The following MCUB variants were observed in gnomAD, a reference collection of about 807,000 sequenced individuals.
MCUB encodes mitochondrial calcium uniporter dominant negative subunit beta.
A neutral mutation model predicts 41.4 loss-of-function variants in MCUB; 46 were observed. That is an observed-to-expected ratio of 1.11 (90% CI 0.88 to 1.42). The LOEUF (loss-of-function observed/expected upper bound fraction) is 1.42, where lower values mean the gene tolerates loss of function less well. MCUB is among the 40% of genes most tolerant of loss of function. The probability of loss-of-function intolerance (pLI) is 0.00; values close to 1 mark genes in which losing one functional copy is unlikely to be tolerated. For missense variants in MCUB, 403 were observed against 404.9 expected, an observed-to-expected ratio of 1.00 and a Z score of 0.04; for synonymous variants, 148 against 148.2, an observed-to-expected ratio of 1.00 and a Z score of 0.01.
At position 109,660,307 on chromosome 4, in the gene MCUB, C is replaced by A; in HGVS notation, c.288C>A (p.Phe96Leu). ...CAATGTTGTCAACAGTTGGTTCATTCCTTCAGGACCTACAAAATGAAGATA... is the reference window on the plus strand; with the variant it reads ...CAATGTTGTCAACAGTTGGTTCATTACTTCAGGACCTACAAAATGAAGATA... The part of the protein sequence containing the change: ...VKPMLSTVGS[F>L]LQDLQNEDKG... Residue 96 changes from phenylalanine to leucine, a missense_variant, in exon 3 of 8, where the codon TTC (phenylalanine) becomes TTA (leucine). Coordinates refer to ENST00000394650, the MANE Select transcript of MCUB (RefSeq NM_017918.5). 6.2e-7 allele frequency: 1 copy of A among 1,606,984 alleles called. No individual in the cohort carries two copies. The highest frequency in any genetic ancestry group is 1.1e-5 in the South Asian group (1 of 90,852).
intron 1 of MCUB, among the ~76,000 whole-genome samples, chr4:109,586,673 C>G (rs376028665): frequency 1.3e-5 from 2 of 152,242 alleles, no homozygotes; most frequent in Admixed American, 6.5e-5. Context: ...TGATGCTATT[C>G]CTTTCTGTTT....
intron 5 of MCUB, 140 bp from the exon 6 acceptor site, chr4:109,684,303 C>T: frequency 1.7e-6 from 1 of 577,580 alleles, no homozygotes; most frequent in Non-Finnish European, 3.0e-6. Context: ...ACCTCGTGAT[C>T]CGCCCACCTC....
At chr4:109,612,268 T>C (rs79762382) in intron 1 of MCUB, among the ~76,000 whole-genome samples, 6 of 145,324 alleles carry the variant, frequency 4.1e-5, no homozygotes, top group Middle Eastern at 3.5e-3. Context: ...CTTTTCTTTT[T>C]TTTTTTTTTT....
At chr4:109,607,390 G>A (rs1727903641) in intron 1 of MCUB, among the ~76,000 whole-genome samples, 1 of 151,970 alleles carries the variant, frequency 6.6e-6, no homozygotes, top group Admixed American at 6.6e-5. Context: ...GCTAATTTTT[G>A]TATTTTAAGT....
intron 4 of MCUB, among the ~76,000 whole-genome samples, chr4:109,679,756 A>C (rs1323126695): frequency 6.6e-6 from 1 of 152,146 alleles, no homozygotes; most frequent in Non-Finnish European, 1.5e-5. Flanking sequence ...GCTTGCAATT[A>C]TGAACTTTCT....
At position 109,660,310 on chromosome 4, in the gene MCUB, T is replaced by C. The variant is rs1228036143; in HGVS notation, c.291T>C (p.Leu97=). The C allele has an allele frequency of 6.2e-7, 1 of 1,608,506 alleles. No homozygotes were observed. The highest frequency in any genetic ancestry group is 1.3e-5 in the African/African-American group (1 of 74,786). ...TGTTGTCAACAGTTGGTTCATTCCT[T>C]CAGGACCTACAAAATGAAGATAAGG... ...KPMLSTVGSF[L]QDLQNEDKGI... is the part of the protein sequence containing the mutation. The change falls in exon 3 of 8, where the codon CTT becomes CTC. Residue 97 remains leucine (L), a synonymous_variant. Transcript: ENST00000394650.
At chr4:109,677,316 G>T (rs551650845) in intron 4 of MCUB, among the ~76,000 whole-genome samples, 31 of 152,276 alleles carry the variant, frequency 2.0e-4, no homozygotes, top group African/African-American at 7.5e-4. Flanking sequence ...CACAGCTGGA[G>T]GATAATTTGC....
Position 109,614,716 on chromosome 4 carries a change from A to G in MCUB, c.100-44295A>G, listed in dbSNP as rs1332585570. Among the ~76,000 whole-genome samples the G allele has an allele frequency of 2.0e-5, 3 of 150,938 alleles. No homozygotes were observed. The East Asian group carries it at 5.8e-4, about 29-fold the overall frequency. On this transcript the variant is annotated intron_variant, in intron 1 of 7. Coordinates refer to ENST00000394650, the MANE Select transcript of MCUB (RefSeq NM_017918.5). The stretch of plus-strand genomic sequence containing the variant: ...TTGTTTTTGCATTTCCCCACTTTTC[A>G]TCCGTCATCCTTTCCTGATGTCCTG...
rs1375868889 is a variant in MCUB, at chr4:109,688,235, A to AAGAAAG, written c.*643_*644insAGAAAG. ...AACTTTCTTCAGCCTCTGGCAGATT[A>AAGAAAG]TTAACAAAACAGTATTATTCAGATT... On this transcript the variant is annotated 3_prime_UTR_variant, in exon 8 of 8. Transcript: ENST00000394650. 3.9e-5 allele frequency: 6 copies of AAGAAAG among 152,290 alleles called. No homozygotes were observed. Among genetic ancestry groups the AAGAAAG allele is most frequent in the African/African-American group, 1.2e-4 (5 of 41,472 alleles). 9.4% of individuals were successfully genotyped at this position (152,290 alleles called of 1,614,324 possible).
chr4:109,661,809 G>C (rs939811434), intron 3 of MCUB, among the ~76,000 whole-genome samples: 1 of 152,102 alleles, frequency 6.6e-6, no homozygotes, highest in Non-Finnish European at 1.5e-5. Flanking sequence ...GAGGTGGGTG[G>C]ATCACCTGAG....
intron 1 of MCUB, among the ~76,000 whole-genome samples, chr4:109,597,799 G>A (rs1386820308): frequency 1.3e-5 from 2 of 151,238 alleles, no homozygotes; most frequent in African/African-American, 4.9e-5. Flanking sequence ...CTTCTCAGAC[G>A]GGGCAGCTGC....
intron 1 of MCUB, among the ~76,000 whole-genome samples, chr4:109,590,764 G>T (rs1435741777): frequency 7.2e-5 from 11 of 152,084 alleles, no homozygotes; most frequent in Non-Finnish European, 1.6e-4. Flanking sequence ...CCCCATGCTT[G>T]TCTCCCCTTT....
At chr4:109,608,691 G>A (rs1727934790) in intron 1 of MCUB, among the ~76,000 whole-genome samples, 1 of 151,820 alleles carries the variant, frequency 6.6e-6, no homozygotes, top group Admixed American at 6.6e-5. Flanking sequence ...TTTAGAGACA[G>A]GGTTTTGCCA....
At chr4:109,589,536 G>A (rs1320409556) in intron 1 of MCUB, among the ~76,000 whole-genome samples, 6 of 152,082 alleles carry the variant, frequency 3.9e-5, no homozygotes, top group South Asian at 4.1e-4. Context: ...AATAACATTC[G>A]TTTTACTTGC....
intron 1 of MCUB, among the ~76,000 whole-genome samples, chr4:109,657,383 A>T (rs774158225): frequency 1.5e-4 from 23 of 151,966 alleles, no homozygotes; most frequent in Non-Finnish European, 3.2e-4. Context: ...AACATAATGG[A>T]CCTTCATTTG....
intron 1 of MCUB, among the ~76,000 whole-genome samples, chr4:109,599,327 G>A (rs1046803967): frequency 6.6e-6 from 1 of 151,794 alleles, no homozygotes; most frequent in Non-Finnish European, 1.5e-5. Flanking sequence ...CTTTGGCTGT[G>A]TGTCTTATGC....
At chr4:109,570,018 C>T (rs1726876880) in intron 1 of MCUB, among the ~76,000 whole-genome samples, 1 of 152,172 alleles carries the variant, frequency 6.6e-6, no homozygotes, top group South Asian at 2.1e-4. Context: ...AACATTTTGT[C>T]TCATGCTCTC....
In MCUB at chr4:109,598,086, A is replaced by G. The variant is rs1267471832; in HGVS notation, c.99+37650A>G. Among the ~76,000 whole-genome samples the G allele has an allele frequency of 5.8e-5, 8 of 137,062 alleles. No homozygotes were observed. The East Asian group carries it at 1.8e-3, about 31-fold the overall frequency. The allele number at this position is 137,062 out of a possible 152,430, so 89.9% of individuals were successfully genotyped here. The stretch of plus-strand genomic sequence containing the variant: ...ACTTCCTAGATGGGATGGCGGCCGG[A>G]CGGAGACGCTCCTCACTTCCCAGAC... On this transcript the variant is annotated intron_variant, in intron 1 of 7. Coordinates refer to ENST00000394650, the MANE Select transcript of MCUB (RefSeq NM_017918.5).
intron 1 of MCUB, among the ~76,000 whole-genome samples, chr4:109,629,883 CA>C (rs1728437027): frequency 6.6e-6 from 1 of 152,132 alleles, no homozygotes. Flanking sequence ...CATTGGTGAT[CA>C]ACTTAACCTT....
Sources: allele counts gnomAD v4.1 joint callset (sites outside exome capture counted in the v4.1 genomes callset), GRCh38; gene constraint gnomAD v4.1.1; transcripts MANE v1.5; gene names NCBI Gene and HGNC (gene_info 2026-07-23, HGNC 2026-07-21).